NFYC: variants seen among roughly 807,000 people sequenced by gnomAD.
NFYC encodes nuclear transcription factor Y subunit gamma, also known as CAAT box DNA-binding protein subunit C.
NFYC carries 25 observed loss-of-function variants against 53.1 expected under a neutral mutation model. The ratio of observed to expected loss-of-function variants is 0.47; its 90% CI spans 0.34 to 0.66. The LOEUF is 0.66. NFYC is among the 30% of genes least tolerant of loss of function. The probability of loss-of-function intolerance (pLI) is 0.01; values close to 1 mark genes in which losing one functional copy is unlikely to be tolerated. For synonymous variants in NFYC, 145 were observed against 152.6 expected, an observed-to-expected ratio of 0.95 and a Z score of 0.37; for missense variants, 260 against 422.7, an observed-to-expected ratio of 0.62 and a Z score of 3.38.
At chr1:40,748,507 C>T (rs1000911639) in intron 3 of NFYC, among the ~76,000 whole-genome samples, 4 of 152,206 alleles carry the variant, frequency 2.6e-5, no homozygotes, top group Admixed American at 1.3e-4. Flanking sequence ...GTGCCATCAT[C>T]TTAGCGTCTT....
At chr1:40,747,353 T>TTA (rs1645667864) in intron 2 of NFYC, among the ~76,000 whole-genome samples, 181 bp from the exon 3 acceptor site, 1 of 152,086 alleles carries the variant, frequency 6.6e-6, no homozygotes, top group African/African-American at 2.4e-5. Flanking sequence ...GACCTGCATA[T>TTA]GTTAAGTAAA....
At chr1:40,764,353 A>C (rs1052240089) in intron 7 of NFYC, among the ~76,000 whole-genome samples, 2 of 152,256 alleles carry the variant, frequency 1.3e-5, no homozygotes, top group Non-Finnish European at 2.9e-5. Flanking sequence ...TAATAGGCCA[A>C]GAGAAAGCTT....
chr1:40,712,189 A>C lies in NFYC; in HGVS notation c.-9+20322A>C, dbSNP rs550151720. Reference sequence around the variant, plus strand: ...AATATTTGTAAAAAGGAGTTAGTTTAAACCTGACACATTTCTTTTTAAACT... The same window carrying C: ...AATATTTGTAAAAAGGAGTTAGTTTCAACCTGACACATTTCTTTTTAAACT... On this transcript the variant is annotated intron_variant, in intron 1 of 9. Coordinates refer to ENST00000447388, the MANE Select transcript of NFYC (RefSeq NM_014223.5). 1.6e-4 allele frequency among the ~76,000 whole-genome samples: 24 copies of C among 152,324 alleles called. No homozygotes were observed. In the East Asian group the frequency reaches 4.2e-3, roughly 27 times the overall value.
chr1:40,770,329 A>T lies in NFYC; in HGVS notation c.889-380A>T, dbSNP rs532252950. ...ACTGCCCCTGCCAGTGTAGATTACC[A>T]AGAGTTGGGGAAATGCTGACTTCCA... On this transcript the variant is annotated intron_variant, in intron 9 of 9. Coordinates refer to ENST00000447388, the MANE Select transcript of NFYC (RefSeq NM_014223.5). This position sits in a 1 kb window ranked among gnomAD's most constrained non-coding sequence, Gnocchi z 5.3. 7.0e-7 allele frequency: 1 copy of T among 1,438,016 alleles called. No homozygotes were observed. The allele number at this position is 1,438,016 out of a possible 1,614,324, so 89.1% of individuals were successfully genotyped here. A position where few individuals can be genotyped will look rare whatever the true frequency, so the allele number is the denominator to read the frequency against.
At chr1:40,748,687 G>A (rs1557868790) in intron 3 of NFYC, among the ~76,000 whole-genome samples, 1 of 152,178 alleles carries the variant, frequency 6.6e-6, no homozygotes, top group Admixed American at 6.5e-5. Context: ...AGATCTCAGA[G>A]AAAGAGGAAC....
chr1:40,745,921 C>T (rs536879990), intron 2 of NFYC, among the ~76,000 whole-genome samples: 1 of 152,168 alleles, frequency 6.6e-6, no homozygotes, highest in East Asian at 1.9e-4. Context: ...GTTGACCAGA[C>T]TGGTCTCAAA....
At chr1:40,761,612 C>T (rs1177446085) in intron 6 of NFYC, among the ~76,000 whole-genome samples, 1 of 152,132 alleles carries the variant, frequency 6.6e-6, no homozygotes, top group Admixed American at 6.5e-5. Context: ...AACACTCTGT[C>T]GTCTTTCTTT....
chr1:40,758,868 C>G (rs1452560857), intron 6 of NFYC, among the ~76,000 whole-genome samples: 1 of 152,208 alleles, frequency 6.6e-6, no homozygotes, highest in Non-Finnish European at 1.5e-5. Context: ...GTACTATGAG[C>G]TCTGAATCCA....
In NFYC at chr1:40,696,360, C is replaced by G. The variant is rs139679886; in HGVS notation, c.-9+4493C>G. On this transcript the variant is annotated intron_variant, in intron 1 of 9. Transcript: ENST00000447388. ...TTCTTAATTCTTATGTAAATGAAGC[C>G]CTTACTCTTAAACACTGTGTTGACA... Among the ~76,000 whole-genome samples, 86 of 152,208 alleles carry G rather than the reference C, an allele frequency of 5.7e-4. 2 individuals are homozygous for G. In the East Asian group the frequency reaches 0.01, roughly 18 times the overall value.
At position 40,770,510 on chromosome 1, in the gene NFYC, C is replaced by T. The variant is rs779457322; in HGVS notation, c.889-199C>T. ...GCACCTCTTCCCTGCCCACCACACA[C>T]CCCCCCTCACACCGGGCTGGTGCCT... On this transcript the variant is annotated intron_variant, in intron 9 of 9. Transcript: ENST00000447388. The surrounding 1 kb of genome is among the most constrained non-coding windows in gnomAD (Gnocchi z 5.3). The T allele has an allele frequency of 5.8e-6, 9 of 1,554,972 alleles. No homozygotes were observed. Among genetic ancestry groups the T allele is most frequent in the Non-Finnish European group, 7.8e-6 (9 of 1,149,020 alleles).
intron 8 of NFYC, among the ~76,000 whole-genome samples, chr1:40,768,260 A>G (rs758685244): frequency 6.6e-6 from 1 of 152,240 alleles, no homozygotes; most frequent in Non-Finnish European, 1.5e-5. Context: ...TCTATGTGGA[A>G]TATTTTCCAT....
intron 1 of NFYC, among the ~76,000 whole-genome samples, chr1:40,707,935 A>G (rs755285848): frequency 6.6e-6 from 1 of 152,048 alleles, no homozygotes; most frequent in Non-Finnish European, 1.5e-5. Flanking sequence ...TAAATCAGTT[A>G]GTCCATCAAA....
At chr1:40,758,050 A>G in intron 5 of NFYC, 71 bp from the exon 6 acceptor site, 1 of 1,555,008 alleles carries the variant, frequency 6.4e-7, no homozygotes, top group South Asian at 1.1e-5. Flanking sequence ...TTGGGGGAAG[A>G]GTGGAAATTC....
At chr1:40,760,921 G>C (rs1360638391) in intron 6 of NFYC, among the ~76,000 whole-genome samples, 1 of 152,114 alleles carries the variant, frequency 6.6e-6, no homozygotes, top group Admixed American at 6.5e-5. Flanking sequence ...TAATGCTTGT[G>C]CCTCTGCAGT....
intron 2 of NFYC, among the ~76,000 whole-genome samples, chr1:40,741,584 CT>C (rs1377230392): frequency 2.0e-5 from 3 of 151,450 alleles, no homozygotes; most frequent in African/African-American, 7.3e-5. Flanking sequence ...GATGTCTTTC[CT>C]TTTTTATCTT....
chr1:40,761,964 A>G (rs925380069), intron 6 of NFYC, among the ~76,000 whole-genome samples: 1 of 151,376 alleles, frequency 6.6e-6, no homozygotes, highest in African/African-American at 2.4e-5. Context: ...ATGAGCCCAG[A>G]TAGGCTCACT....
intron 1 of NFYC, among the ~76,000 whole-genome samples, chr1:40,722,104 A>G (rs1238810397): frequency 6.6e-6 from 1 of 152,084 alleles, no homozygotes; most frequent in African/African-American, 2.4e-5. Flanking sequence ...CCGGGAGGCG[A>G]AGCTTGCAGT....
intron 6 of NFYC, among the ~76,000 whole-genome samples, chr1:40,759,696 G>A (rs2148749013): frequency 6.6e-6 from 1 of 152,132 alleles, no homozygotes; most frequent in East Asian, 1.9e-4. Flanking sequence ...TTTCTGAAGG[G>A]AATAATATGA....
Position 40,771,258 on chromosome 1 carries a change from C to T in NFYC, c.*430C>T, listed in dbSNP as rs1647069654. Reference sequence around the variant, plus strand: ...TTGACTCTGGGAACAGCTGCTACCCCCAAGACTTGCCACGTTGTTCTGCCC... The same window carrying T: ...TTGACTCTGGGAACAGCTGCTACCCTCAAGACTTGCCACGTTGTTCTGCCC... On this transcript the variant is annotated 3_prime_UTR_variant, in exon 10 of 10. Transcript: ENST00000447388. 6.1e-6 allele frequency: 2 copies of T among 328,516 alleles called. No homozygotes were observed. Among genetic ancestry groups the T allele is most frequent in the East Asian group, 8.7e-5 (1 of 11,446 alleles). The allele number at this position is 328,516 out of a possible 1,614,324, so 20.4% of individuals were successfully genotyped here. A position where few individuals can be genotyped will look rare whatever the true frequency, so the allele number is the denominator to read the frequency against.
Sources: allele counts gnomAD v4.1 joint callset (sites outside exome capture counted in the v4.1 genomes callset), GRCh38; gene constraint gnomAD v4.1.1; non-coding constraint Gnocchi (gnomAD v3.1); transcripts MANE v1.5; gene names NCBI Gene and HGNC (gene_info 2026-07-23, HGNC 2026-07-21).